The following ARHGAP27 variants were observed in gnomAD, a reference collection of about 807,000 sequenced individuals.
The protein encoded by ARHGAP27 is rho GTPase-activating protein 27.
A neutral mutation model predicts 102.0 loss-of-function variants in ARHGAP27; 53 were observed. That is an observed-to-expected ratio of 0.52 (90% CI 0.42 to 0.65). ARHGAP27 has a LOEUF of 0.65. Among genes scored for constraint, ARHGAP27 ranks in the 30% least tolerant of loss-of-function variants. The pLI is 0.00. For synonymous variants in ARHGAP27, 525 were observed against 542.8 expected (o/e 0.97, Z 0.46); for missense variants, 1,117 against 1,256.2 (o/e 0.89, Z 1.68).
intron 4 of ARHGAP27, among the ~76,000 whole-genome samples, chr17:45,412,895 T>TTAA (rs1019752266): frequency 6.6e-6 from 1 of 151,210 alleles, no homozygotes; most frequent in Non-Finnish European, 1.5e-5. Flanking sequence ...GGGAAAGTGT[T>TTAA]TAATTTTAAG....
intron 12 of ARHGAP27, among the ~76,000 whole-genome samples, chr17:45,400,585 A>G (rs952631656): frequency 7.9e-5 from 12 of 152,178 alleles, no homozygotes; most frequent in Admixed American, 7.2e-4. Context: ...GGATATACCT[A>G]TCCCTCAAAG....
rs2045420959 is a variant in ARHGAP27 at position 45,395,010 on chromosome 17, A to G, written c.*446T>C. ...GTGGGGAAGTGATCAGAGCTGCCTCATGACTGGCACAGTGCCAGCACAGGG... is the reference window on the plus strand; with the variant it reads ...GTGGGGAAGTGATCAGAGCTGCCTCGTGACTGGCACAGTGCCAGCACAGGG... On this transcript the variant is annotated 3_prime_UTR_variant, in exon 20 of 20. Transcript: ENST00000685559. The G allele has an allele frequency of 5.4e-6, 1 of 184,956 alleles. No individual in the cohort carries two copies. Among genetic ancestry groups the G allele is most frequent in the South Asian group, 1.1e-4 (1 of 8,864 alleles). The allele number at this position is 184,956 out of a possible 1,614,324, so 11.5% of individuals were successfully genotyped here.
At position 45,398,782 on chromosome 17, in the gene ARHGAP27, CCTGTCTA is replaced by C. The variant is rs367970112; in HGVS notation, c.1744-742_1744-736del. On this transcript the variant is annotated intron_variant, in intron 12 of 19. Transcript: ENST00000685559. ...CCCAGAAACTTCCTATGTTGAGACC[CCTGTCTA>C]CTAGAAGCAACAGTGAATATAGGGA... Among the ~76,000 whole-genome samples, 434 of 152,110 alleles carry C rather than the reference CCTGTCTA, an allele frequency of 2.9e-3. 3 individuals are homozygous for C. Among genetic ancestry groups the C allele is most frequent in the Non-Finnish European group, 5.2e-3 (351 of 67,956 alleles).
chr17:45,395,990 C>A lies in ARHGAP27; in HGVS notation c.2379G>T (p.Ala793=), dbSNP rs1480991727. The A allele has an allele frequency of 6.2e-7, 1 of 1,609,864 alleles. No homozygotes were observed. The highest frequency in any genetic ancestry group is 8.5e-7 in the Non-Finnish European group (1 of 1,177,598). ...FPFSHFRQFI[A]AIKLQDQARR... is the part of the protein sequence containing the mutation. Reference sequence around the variant, plus strand: ...CCTGCCCCAGGTGCTCACTGATGGCCGCAATGAACTGGCGGAAGTGCGAGA... The same window carrying A: ...CCTGCCCCAGGTGCTCACTGATGGCAGCAATGAACTGGCGGAAGTGCGAGA... The change falls in exon 18 of 20, where the codon GCG becomes GCT. Residue 793 remains alanine, a synonymous_variant. Coordinates refer to ENST00000685559, the MANE Select transcript of ARHGAP27 (RefSeq NM_001282290.2).
chr17:45,404,878 G>A (rs947973971), intron 6 of ARHGAP27, 46 bp downstream of exon 6: 2 of 1,613,138 alleles, frequency 1.2e-6, no homozygotes, highest in African/African-American at 1.3e-5. Context: ...GAAGGTTGTG[G>A]GGAGGACTCT....
intron 12 of ARHGAP27, among the ~76,000 whole-genome samples, chr17:45,400,155 C>T (rs927039590): frequency 1.3e-5 from 2 of 151,922 alleles, no homozygotes; most frequent in East Asian, 3.9e-4. Context: ...ACAGTAAGAC[C>T]CTATCTCTAA....
At chr17:45,397,061 G>GCCAGCTGC in intron 13 of ARHGAP27, 37 bp from the exon 14 acceptor site, 1 of 1,597,836 alleles carries the variant, frequency 6.3e-7, no homozygotes, top group Non-Finnish European at 8.5e-7. Flanking sequence ...GGGGCCTTGA[G>GCCAGCTGC]CCAGCTGCGG....
chr17:45,426,203 T>C (rs1403081916), intron 4 of ARHGAP27, among the ~76,000 whole-genome samples: 1 of 152,140 alleles, frequency 6.6e-6, no homozygotes, highest in Middle Eastern at 3.2e-3. Flanking sequence ...TTCCTGGCCG[T>C]GTGAGCTTCG....
intron 6 of ARHGAP27, 34 bp from the exon 7 acceptor site, chr17:45,404,715 C>T (rs1173429310): frequency 6.3e-6 from 10 of 1,593,744 alleles, no homozygotes; most frequent in Non-Finnish European, 7.7e-6. Flanking sequence ...GCCTCCAGCC[C>T]AGCTTATGAG....
intron 16 of ARHGAP27, 33 bp from the exon 17 acceptor site, chr17:45,396,317 A>AGGGATGGGGAT: frequency 6.3e-7 from 1 of 1,584,276 alleles, no homozygotes; most frequent in Non-Finnish European, 8.6e-7. Flanking sequence ...TCCCGGGTTC[A>AGGGATGGGGAT]GGGATGGGGA....
rs567456313 is a variant in ARHGAP27 at position 45,426,911 on chromosome 17, C to T, written c.657+2712G>A. Among the ~76,000 whole-genome samples the T allele has an allele frequency of 2.0e-4, 30 of 152,286 alleles. 2 individuals carry two copies. The highest frequency in any genetic ancestry group is 5.5e-4 in the African/African-American group (23 of 41,546). On this transcript the variant is annotated intron_variant, in intron 4 of 19. Coordinates refer to ENST00000685559, the MANE Select transcript of ARHGAP27 (RefSeq NM_001282290.2). Reference sequence around the variant, plus strand: ...CTTTCTCTCACATGACCTTCCTGTGCGTCCTTCTTCTGGACACTTCTTGGC... The same window carrying T: ...CTTTCTCTCACATGACCTTCCTGTGTGTCCTTCTTCTGGACACTTCTTGGC...
chr17:45,396,972 G>T lies in ARHGAP27; in HGVS notation c.1895C>A (p.Ser632Ter), dbSNP rs780110494. The T allele has an allele frequency of 2.5e-6, 4 of 1,605,450 alleles. No homozygotes were observed. Among genetic ancestry groups the T allele is most frequent in the Non-Finnish European group, 3.4e-6 (4 of 1,179,950 alleles). Reference sequence around the variant, plus strand: ...CTGCCAGCTTCCCAAGCGCTCGCTCGACCCGAAGTCCACTCTGCTGCTCTC... The same window carrying T: ...CTGCCAGCTTCCCAAGCGCTCGCTCTACCCGAAGTCCACTCTGCTGCTCTC... ...ESESSRVDFGSSERLGSWQEK... is the reference protein window; with the variant it reads ...ESESSRVDFG Residue 632 changes from serine to a stop codon, truncating the protein, a stop_gained, in exon 14 of 20, where the codon TCG becomes TAG. Coordinates refer to ENST00000685559, the MANE Select transcript of ARHGAP27 (RefSeq NM_001282290.2). LOFTEE classifies it high-confidence loss of function.
intron 4 of ARHGAP27, among the ~76,000 whole-genome samples, chr17:45,414,746 A>G (rs34598223): frequency 0.019 from 2,755 of 147,592 alleles, 71 homozygotes; most frequent in African/African-American, 0.059. Context: ...ACTGCACCCA[A>G]TTGGTCTCTC....
intron 3 of ARHGAP27, among the ~76,000 whole-genome samples, chr17:45,431,399 C>G (rs185604705): frequency 6.6e-6 from 1 of 152,238 alleles, no homozygotes; most frequent in Admixed American, 6.5e-5. Context: ...GCCAGGAGAC[C>G]GCCGCTTGCC....
intron 4 of ARHGAP27, among the ~76,000 whole-genome samples, chr17:45,413,547 C>A (rs980493921): frequency 6.6e-6 from 1 of 152,142 alleles, no homozygotes; most frequent in East Asian, 1.9e-4. Flanking sequence ...AAGAACTGAG[C>A]GGGCCTTGGG....
intron 4 of ARHGAP27, among the ~76,000 whole-genome samples, chr17:45,414,224 C>G (rs116908714): frequency 6.6e-6 from 1 of 152,140 alleles, no homozygotes; most frequent in Non-Finnish European, 1.5e-5. Context: ...CTGCCCTCCC[C>G]CTCAAACGTA....
At position 45,397,369 on chromosome 17, in the gene ARHGAP27, T is replaced by C. The variant is rs760135329; in HGVS notation, c.1843-345A>G. 184 of 1,066,182 alleles carry C rather than the reference T, an allele frequency of 1.7e-4. 1 individual carries two copies. Among genetic ancestry groups the C allele is most frequent in the Admixed American group, 3.1e-4 (7 of 22,776 alleles). 66.0% of individuals were successfully genotyped at this position (1,066,182 alleles called of 1,614,324 possible). On this transcript the variant is annotated intron_variant, in intron 13 of 19. Transcript: ENST00000685559. ...TTCCTCAATACGTGGCTCCCAGTTC[T>C]GAGCCTGCACCTCCAGCTGTGGCCG... is the stretch of plus-strand genomic sequence containing the variant.
chr17:45,404,013 G>T lies in ARHGAP27; in HGVS notation c.1547+16C>A, dbSNP rs777917282. The T allele has an allele frequency of 2.5e-6, 4 of 1,613,772 alleles. No homozygotes were observed. The highest frequency in any genetic ancestry group is 2.5e-6 in the Non-Finnish European group (3 of 1,179,898). On this transcript the variant is annotated intron_variant, in intron 10 of 19. Transcript: ENST00000685559. ...AGGCCCACCCTGCCCCGGCCTGAGT[G>T]TAGATGGGCTCTCACCGGAGCCGCT...
chr17:45,420,091 C>T (rs1567728173), intron 4 of ARHGAP27, among the ~76,000 whole-genome samples: 1 of 152,314 alleles, frequency 6.6e-6, no homozygotes, highest in East Asian at 1.9e-4. Flanking sequence ...AATCCCACTT[C>T]TGCAATTTTT....
Sources: allele counts gnomAD v4.1 joint callset (sites outside exome capture counted in the v4.1 genomes callset), GRCh38; gene constraint gnomAD v4.1.1; transcripts MANE v1.5; gene names NCBI Gene and HGNC (gene_info 2026-07-23, HGNC 2026-07-21).